APP: variants seen among roughly 807,000 people sequenced by gnomAD.
APP encodes the protein amyloid beta precursor protein.
A neutral mutation model predicts 101.4 loss-of-function variants in APP; 31 were observed. That is an observed-to-expected ratio of 0.31 (90% CI 0.23 to 0.41). The LOEUF is 0.41. APP is among the 10% of genes least tolerant of loss of function. The probability of loss-of-function intolerance (pLI) is 1.00; values close to 1 mark genes in which losing one functional copy is unlikely to be tolerated. For synonymous variants in APP, 366 were observed against 364.4 expected (o/e 1.00, Z -0.05); for missense variants, 839 against 1,003.7 (o/e 0.84, Z 2.22).
intron 1 of APP, among the ~76,000 whole-genome samples, chr21:26,147,795 G>T (rs2063183143): frequency 6.6e-6 from 1 of 150,568 alleles, no homozygotes; most frequent in African/African-American, 2.4e-5. Context: ...CACACACCGG[G>T]CTAATCAGAA....
intron 5 of APP, among the ~76,000 whole-genome samples, chr21:26,026,884 T>C (rs1012965605): frequency 3.9e-5 from 6 of 152,142 alleles, no homozygotes; most frequent in Non-Finnish European, 7.4e-5. Context: ...GGTTCACTGA[T>C]TGTAACAAAT....
intron 1 of APP, among the ~76,000 whole-genome samples, chr21:26,145,162 T>A (rs1449280778): frequency 6.6e-6 from 1 of 152,200 alleles, no homozygotes; most frequent in African/African-American, 2.4e-5. Flanking sequence ...GCTGGCTGAC[T>A]ACCTACCAGG....
chr21:25,943,436 G>GC (rs11440621), intron 13 of APP, among the ~76,000 whole-genome samples: 149,876 of 149,882 alleles, frequency 1, 74,935 homozygotes, highest in Middle Eastern at 1. Flanking sequence ...ACAGGCGTGA[G>GC]CACCGCACCC....
intron 11 of APP, among the ~76,000 whole-genome samples, chr21:25,964,613 T>C (rs896740131): frequency 7.0e-6 from 1 of 143,778 alleles, no homozygotes; most frequent in South Asian, 2.1e-4. Context: ...TTTCTTTTTT[T>C]TTTTTTTTTT....
Position 26,119,120 on chromosome 21 carries a change from G to A in APP, c.58-6974C>T, listed in dbSNP as rs7282911. Among the ~76,000 whole-genome samples the A allele has an allele frequency of 5.1e-3, 771 of 152,140 alleles. 4 individuals carry two copies. Among genetic ancestry groups the A allele is most frequent in the African/African-American group, 0.017 (704 of 41,504 alleles). On this transcript the variant is annotated intron_variant, in intron 1 of 17. Coordinates refer to ENST00000346798, the MANE Select transcript of APP (RefSeq NM_000484.4). ...AGATAATCAGAAGGGCTCAAAACCC[G>A]CCTAGAGTCTACTCAAGAGTGTTAT...
intron 1 of APP, among the ~76,000 whole-genome samples, chr21:26,137,421 C>CTAT (rs2062945176): frequency 6.6e-6 from 1 of 152,020 alleles, no homozygotes; most frequent in Non-Finnish European, 1.5e-5. Context: ...AAGTAAAAAC[C>CTAT]CATACCCTTT....
intron 3 of APP, among the ~76,000 whole-genome samples, chr21:26,082,172 T>G (rs1048634521): frequency 9.9e-5 from 15 of 152,118 alleles, no homozygotes; most frequent in African/African-American, 3.6e-4. Flanking sequence ...TGAGCCGAGA[T>G]CACGCCATTG....
chr21:26,095,034 C>CA (rs2061910628), intron 2 of APP, among the ~76,000 whole-genome samples: 1 of 152,170 alleles, frequency 6.6e-6, no homozygotes, highest in Admixed American at 6.5e-5. Flanking sequence ...TCAGTAAAGA[C>CA]AGGGTTTCAC....
intron 1 of APP, among the ~76,000 whole-genome samples, chr21:26,169,874 C>T (rs1429710922): frequency 2.0e-5 from 3 of 152,196 alleles, no homozygotes; most frequent in African/African-American, 7.2e-5. Context: ...CCATTTCTCG[C>T]AAGTTACACA....
At chr21:25,945,769 C>T in intron 13 of APP, 1 of 401,758 alleles carries the variant, frequency 2.5e-6, no homozygotes, top group South Asian at 1.8e-5. Flanking sequence ...CTCACTGCAG[C>T]CTCAGCCACC....
chr21:26,090,110 G>A (rs745483691), intron 2 of APP, 38 bp from the exon 3 acceptor site: 2 of 1,612,482 alleles, frequency 1.2e-6, no homozygotes, highest in South Asian at 1.1e-5. Context: ...TGTTACTTGA[G>A]GCAGGGGCTG....
intron 15 of APP, among the ~76,000 whole-genome samples, chr21:25,898,723 C>T (rs1387087447): frequency 6.6e-6 from 1 of 152,206 alleles, no homozygotes; most frequent in Non-Finnish European, 1.5e-5. Context: ...GCCTAATCCT[C>T]CCTTCCACAT....
At chr21:25,890,722 C>CCAA (rs370811580) in intron 17 of APP, among the ~76,000 whole-genome samples, 1 of 114,730 alleles carries the variant, frequency 8.7e-6, no homozygotes, top group African/African-American at 3.4e-5. Flanking sequence ...GAGACTGTCT[C>CCAA]AAAAAAAAAA....
chr21:26,137,763 A>C (rs965418455), intron 1 of APP, among the ~76,000 whole-genome samples: 6 of 152,206 alleles, frequency 3.9e-5, no homozygotes, highest in East Asian at 3.8e-4. Flanking sequence ...ACAAACAAAC[A>C]AACCTACTTA....
At chr21:26,056,330 G>A (rs1016240864) in intron 3 of APP, among the ~76,000 whole-genome samples, 6 of 152,262 alleles carry the variant, frequency 3.9e-5, no homozygotes, top group Admixed American at 3.3e-4. Flanking sequence ...GAGCCACCAC[G>A]ACCAGCCAGT....
rs1421908532 is a variant in APP, at chr21:26,050,112, G to A, written c.662+888C>T. Among the ~76,000 whole-genome samples the A allele has an allele frequency of 2.6e-5, 4 of 152,080 alleles. No homozygotes were observed. In the East Asian group the frequency reaches 5.8e-4, roughly 22 times the overall value. On this transcript the variant is annotated intron_variant, in intron 5 of 17. Coordinates refer to ENST00000346798, the MANE Select transcript of APP (RefSeq NM_000484.4). ...AGCTGATATAGACAATAAACTCTATGGGGGCCCTAGTAGCAGATTACACCA... is the reference window on the plus strand; with the variant it reads ...AGCTGATATAGACAATAAACTCTATAGGGGCCCTAGTAGCAGATTACACCA...
intron 6 of APP, among the ~76,000 whole-genome samples, chr21:26,005,177 G>T (rs561889080): frequency 6.6e-6 from 1 of 152,290 alleles, no homozygotes; most frequent in Non-Finnish European, 1.5e-5. Context: ...ACTTTGGGAG[G>T]CCGAGGTGGG....
chr21:25,976,931 T>A (rs1329518149), intron 9 of APP, among the ~76,000 whole-genome samples: 1 of 152,180 alleles, frequency 6.6e-6, no homozygotes, highest in East Asian at 1.9e-4. Context: ...CTTGCCCTTC[T>A]TCCTTCCACC....
chr21:26,105,174 A>G (rs2062154818), intron 2 of APP, among the ~76,000 whole-genome samples: 1 of 152,136 alleles, frequency 6.6e-6, no homozygotes, highest in South Asian at 2.1e-4. Context: ...CAGGAATTCT[A>G]TACCTAATGA....
Sources: allele counts gnomAD v4.1 joint callset (sites outside exome capture counted in the v4.1 genomes callset), GRCh38; gene constraint gnomAD v4.1.1; transcripts MANE v1.5; gene names NCBI Gene and HGNC (gene_info 2026-07-23, HGNC 2026-07-21).